The following VPS13B variants were observed in gnomAD, a reference collection of about 807,000 sequenced individuals.
VPS13B encodes the protein vacuolar protein sorting 13 homolog B.
A neutral mutation model predicts 426.4 loss-of-function variants in VPS13B; 285 were observed. The observed-to-expected ratio is 0.67, with a 90% CI of 0.61 to 0.74. The LOEUF (loss-of-function observed/expected upper bound fraction) is 0.74. VPS13B is among the 30% of genes least tolerant of loss of function. VPS13B has a pLI of 0.00. For missense variants in VPS13B, 4,537 were observed against 4,782.6 expected (o/e 0.95, Z 1.51); for synonymous variants, 1,676 against 1,676.4 (o/e 1.00, Z 0.01).
chr8:99,100,286 GA>G (rs34178859), intron 4 of VPS13B, among the ~76,000 whole-genome samples: 1,913 of 152,232 alleles, frequency 0.013, 40 homozygotes, highest in African/African-American at 0.042. Flanking sequence ...AAAATGGAAA[GA>G]AAAAAAAATA....
chr8:99,245,091 G>A (rs757684297), intron 17 of VPS13B, among the ~76,000 whole-genome samples: 1 of 152,116 alleles, frequency 6.6e-6, no homozygotes, highest in Non-Finnish European at 1.5e-5. Flanking sequence ...TACGGTAATT[G>A]TTTTTAATAG....
chr8:99,074,582 T>G (rs1323384504), intron 3 of VPS13B, among the ~76,000 whole-genome samples: 1 of 152,100 alleles, frequency 6.6e-6, no homozygotes, highest in African/African-American at 2.4e-5. Context: ...TTGGTTTGTA[T>G]TTTGTTGAGA....
Position 99,507,140 on chromosome 8 carries a change from A to G in VPS13B, c.4161A>G (p.Pro1387=). The change falls in exon 28 of 62, where the codon CCA becomes CCG. Residue 1387 remains proline, a synonymous_variant. Coordinates refer to ENST00000357162, the MANE Select transcript of VPS13B (RefSeq NM_152564.5). ...SFNIDHYRSR[P]GEGWQSGHFE... ...AAGGTGAACTTATGTTTTCCAGGCC[A>G]GGGGAAGGTTGGCAGTCAGGACATT... 1 of 1,613,994 alleles carries G rather than the reference A, an allele frequency of 6.2e-7. No individual in the cohort carries two copies. The highest frequency in any genetic ancestry group is 8.5e-7 in the Non-Finnish European group (1 of 1,179,906).
At position 99,523,043 on chromosome 8, in the gene VPS13B, A is replaced by G. The variant is rs80204043; in HGVS notation, c.4745+2033A>G. The stretch of plus-strand genomic sequence containing the variant: ...CAGTGAACTAGATGCAAAAGTCCAC[A>G]TATTATGTGATTCCATTTATTTGAA... On this transcript the variant is annotated intron_variant, in intron 30 of 61. Coordinates refer to ENST00000357162, the MANE Select transcript of VPS13B (RefSeq NM_152564.5). Among the ~76,000 whole-genome samples, 420 of 152,300 alleles carry G rather than the reference A, an allele frequency of 2.8e-3. 2 individuals carry two copies. Among genetic ancestry groups the G allele is most frequent in the Non-Finnish European group, 4.3e-3 (293 of 68,024 alleles).
In VPS13B at chr8:99,481,650, A is replaced by C; in HGVS notation, c.3718A>C (p.Ile1240Leu). The change falls in exon 25 of 62, where the codon ATT becomes CTT. Residue 1240 changes from isoleucine (I) to leucine (L), a missense_variant. Ile to Leu is a conservative substitution (Grantham distance 5). Coordinates refer to ENST00000357162, the MANE Select transcript of VPS13B (RefSeq NM_152564.5). ...TATCATGAATAAGGTCTGGAACAAG[A>C]TTCAGAAGAGAGGCAATCTCAACCT... ...TDIMNKVWNK[I>L]QKRGNLNLSP... 6.2e-7 allele frequency: 1 copy of C among 1,614,004 alleles called. No homozygotes were observed. The highest frequency in any genetic ancestry group is 1.1e-5 in the South Asian group (1 of 91,082).
chr8:99,656,917 A>G (rs1271424658), intron 34 of VPS13B, among the ~76,000 whole-genome samples: 1 of 152,244 alleles, frequency 6.6e-6, no homozygotes, highest in Non-Finnish European at 1.5e-5. Flanking sequence ...TTCATTAACC[A>G]TGCAACCTGT....
intron 3 of VPS13B, among the ~76,000 whole-genome samples, chr8:99,076,552 T>A (rs1025832824): frequency 2.0e-5 from 3 of 152,026 alleles, no homozygotes; most frequent in African/African-American, 7.2e-5. Flanking sequence ...TAGGTGCATA[T>A]ATATTTAGAA....
rs989835317 is a variant in VPS13B, at chr8:99,458,331, G to A, written c.3446-9083G>A. Among the ~76,000 whole-genome samples the A allele has an allele frequency of 9.2e-5, 14 of 152,190 alleles. No homozygotes were observed. In the South Asian group the frequency reaches 1.0e-3, roughly 11 times the overall value. Reference sequence around the variant, plus strand: ...CCAGTCTATCGTTGTTGGACATTTCGTTTGGTTCCAAGTCTTTGCTATTGC... The same window carrying A: ...CCAGTCTATCGTTGTTGGACATTTCATTTGGTTCCAAGTCTTTGCTATTGC... On this transcript the variant is annotated intron_variant, in intron 23 of 61. Coordinates refer to ENST00000357162, the MANE Select transcript of VPS13B (RefSeq NM_152564.5).
intron 3 of VPS13B, among the ~76,000 whole-genome samples, chr8:99,056,067 T>C (rs1407268124): frequency 2.6e-5 from 4 of 151,450 alleles, no homozygotes; most frequent in Admixed American, 6.6e-5. Context: ...TGTTTGTTTG[T>C]TTTTTTTGAG....
chr8:99,207,516 A>G (rs1035657041), intron 17 of VPS13B, among the ~76,000 whole-genome samples: 5 of 152,204 alleles, frequency 3.3e-5, no homozygotes, highest in African/African-American at 1.2e-4. Context: ...GTAAGTGTAC[A>G]GAGTAGATTT....
intron 17 of VPS13B, among the ~76,000 whole-genome samples, chr8:99,225,720 G>C (rs1470095352): frequency 6.6e-6 from 1 of 152,044 alleles, no homozygotes; most frequent in African/African-American, 2.4e-5. Context: ...GTTTCTAATA[G>C]TACTGTTGTA....
intron 43 of VPS13B, among the ~76,000 whole-genome samples, chr8:99,799,571 CTG>C (rs1489821206): frequency 2.6e-5 from 4 of 152,156 alleles, no homozygotes; most frequent in African/African-American, 4.8e-5. Context: ...AAATAAATAA[CTG>C]TAAAAATTTT....
At chr8:99,040,535 T>C (rs1000604395) in intron 3 of VPS13B, among the ~76,000 whole-genome samples, 1 of 152,218 alleles carries the variant, frequency 6.6e-6, no homozygotes, top group African/African-American at 2.4e-5. Flanking sequence ...AAATTTTGCG[T>C]AAAAACATTG....
chr8:99,842,837 A>C (rs949590015), intron 54 of VPS13B, among the ~76,000 whole-genome samples: 53 of 152,188 alleles, frequency 3.5e-4, no homozygotes, highest in African/African-American at 1.2e-3. Context: ...CCAGGCCTCA[A>C]ATGGTTTTCT....
rs201133836 is a variant in VPS13B, at chr8:99,721,044, A to G, written c.7047A>G (p.Leu2349=). The G allele has an allele frequency of 4.3e-6, 7 of 1,613,960 alleles. No homozygotes were observed. The East Asian group carries it at 1.1e-4, about 26-fold the overall frequency. Residue 2349 remains leucine, a synonymous_variant, in exon 39 of 62, where the codon CTA becomes CTG. Transcript: ENST00000357162. ...DISTADLGDV[L]QVPCSLEYWD... ...GCACAGCAGACCTTGGTGATGTGCTACAGGTATGTAATGACCATTCATTGT... is the reference window on the plus strand; with the variant it reads ...GCACAGCAGACCTTGGTGATGTGCTGCAGGTATGTAATGACCATTCATTGT...
intron 39 of VPS13B, among the ~76,000 whole-genome samples, chr8:99,764,124 T>C (rs565987634): frequency 6.6e-6 from 1 of 152,302 alleles, no homozygotes; most frequent in Admixed American, 6.5e-5. Flanking sequence ...AATGTGCCAT[T>C]TCTGCCCTCA....
intron 14 of VPS13B, among the ~76,000 whole-genome samples, chr8:99,154,846 A>T (rs765972837): frequency 6.6e-6 from 1 of 152,148 alleles, no homozygotes; most frequent in Non-Finnish European, 1.5e-5. Flanking sequence ...GGAAGATAGC[A>T]TTATCAAAGC....
chr8:99,462,016 C>G (rs930309248), intron 23 of VPS13B, among the ~76,000 whole-genome samples: 8 of 152,088 alleles, frequency 5.3e-5, no homozygotes, highest in African/African-American at 1.7e-4. Flanking sequence ...ATCTGCCTTA[C>G]TAGAAGCAAT....
At chr8:99,828,432 T>TTTTTTTTTTTTTTTTTTG (rs1814853743) in intron 51 of VPS13B, among the ~76,000 whole-genome samples, 1 of 111,426 alleles carries the variant, frequency 9.0e-6, no homozygotes, top group African/African-American at 3.4e-5. Context: ...TTTTTTTTTT[T>TTTTTTTTTTTTTTTTTTG]TTGCTTTCCA....
Sources: gnomAD v4.1 joint callset for allele counts (sites outside exome capture counted in the v4.1 genomes callset) on GRCh38, gnomAD v4.1.1 for gene constraint, MANE v1.5 for transcripts, NCBI Gene and HGNC (gene_info 2026-07-23, HGNC 2026-07-21) for gene names.